The following ANXA6 variants were observed in gnomAD, a reference collection of about 807,000 sequenced individuals.
ANXA6 encodes the protein annexin A6.
Under a neutral mutation model 95.4 loss-of-function variants are expected in ANXA6, and 71 were observed. The ratio of observed to expected loss-of-function variants is 0.74; its 90% CI spans 0.61 to 0.91. ANXA6 has a LOEUF of 0.91. Among genes scored for constraint, ANXA6 ranks in the 40% least tolerant of loss-of-function variants. The pLI is 0.00. For synonymous variants in ANXA6, 289 were observed against 315.9 expected (o/e 0.91, Z 0.90); for missense variants, 830 against 876.4 (o/e 0.95, Z 0.67).
chr5:151,120,219 G>A (rs1057266758), intron 17 of ANXA6, among the ~76,000 whole-genome samples: 1 of 152,066 alleles, frequency 6.6e-6, no homozygotes, highest in Non-Finnish European at 1.5e-5. Context: ...TACATGCCCT[G>A]GACTAAGGCA....
intron 20 of ANXA6, among the ~76,000 whole-genome samples, chr5:151,111,350 C>T (rs763056104): frequency 2.6e-5 from 4 of 152,196 alleles, no homozygotes; most frequent in Non-Finnish European, 4.4e-5. Context: ...GTATTGCTTT[C>T]GCCGTTCCCC....
Position 151,107,075 on chromosome 5 carries a change from C to T in ANXA6, c.1780+1380G>A, listed in dbSNP as rs554114575. ...GAGTCCTGGTTCTACTGCTATAAGC[C>T]TCTCTGAACTCAGTGTCCTCTTTTG... On this transcript the variant is annotated intron_variant, in intron 23 of 25. Transcript: ENST00000354546. Among the ~76,000 whole-genome samples, 62 of 152,222 alleles carry T rather than the reference C, an allele frequency of 4.1e-4. 1 individual carries two copies. The highest frequency in any genetic ancestry group is 8.1e-4 in the Non-Finnish European group (55 of 68,036).
Position 151,141,673 on chromosome 5 carries a change from C to T in ANXA6, c.19-1430G>A, listed in dbSNP as rs796979496. On this transcript the variant is annotated intron_variant, in intron 2 of 25. Transcript: ENST00000354546. ...TGGTCTCTGTCTGCAGAGGCTGGCT[C>T]CTCTGAGGTATGCATGCGTCGGCGT... is the stretch of plus-strand genomic sequence containing the variant. 8 of 985,454 alleles carry T rather than the reference C, an allele frequency of 8.1e-6. No individual in the cohort carries two copies. In the African/African-American group the frequency reaches 1.2e-4, roughly 15 times the overall value. The allele number at this position is 985,454 out of a possible 1,614,324, so 61.0% of individuals were successfully genotyped here.
At chr5:151,123,738 C>T (rs1325933918) in intron 15 of ANXA6, among the ~76,000 whole-genome samples, 1 of 152,204 alleles carries the variant, frequency 6.6e-6, no homozygotes, top group African/African-American at 2.4e-5. Flanking sequence ...AAGCCAAACC[C>T]TAGATGGCCT....
At position 151,101,258 on chromosome 5, in the gene ANXA6, G is replaced by A. The variant is rs149189691; in HGVS notation, c.*190C>T. 6.1e-4 allele frequency: 393 copies of A among 644,958 alleles called. 1 individual carries two copies. Among genetic ancestry groups the A allele is most frequent in the African/African-American group, 5.6e-3 (308 of 55,084 alleles). 40.0% of individuals were successfully genotyped at this position (644,958 alleles called of 1,614,324 possible). On this transcript the variant is annotated 3_prime_UTR_variant, in exon 26 of 26. Coordinates refer to ENST00000354546, the MANE Select transcript of ANXA6 (RefSeq NM_001155.5). ...GCTACGGTTTTTCAGCCGCTCAGCC[G>A]TGCTGGGCCCTCGATGGCCCGTGGG...
intron 24 of ANXA6, among the ~76,000 whole-genome samples, 181 bp from the exon 25 acceptor site, chr5:151,103,873 G>C (rs1215119281): frequency 3.3e-5 from 5 of 152,232 alleles, no homozygotes; most frequent in Non-Finnish European, 5.9e-5. Flanking sequence ...GGACTGGCCA[G>C]ACTGACACGC....
chr5:151,134,145 C>T (rs1372100234), intron 8 of ANXA6, among the ~76,000 whole-genome samples: 1 of 152,214 alleles, frequency 6.6e-6, no homozygotes, highest in Non-Finnish European at 1.5e-5. Flanking sequence ...GTGCCTAGCA[C>T]ATGCTAGGTA....
intron 1 of ANXA6, chr5:151,155,203 C>G (rs185718996): frequency 2.0e-4 from 30 of 152,248 alleles, no homozygotes; most frequent in African/African-American, 6.7e-4. Flanking sequence ...CAGCCGGGGC[C>G]TGGCAAATTT....
chr5:151,117,713 G>T (rs368917701), intron 19 of ANXA6, 45 bp downstream of exon 19: 2 of 1,531,372 alleles, frequency 1.3e-6, no homozygotes, highest in African/African-American at 1.4e-5. Flanking sequence ...TTCCTCCCAG[G>T]CCTCCCGATG....
chr5:151,112,615 T>C (rs546200154), intron 20 of ANXA6, among the ~76,000 whole-genome samples: 36 of 152,300 alleles, frequency 2.4e-4, no homozygotes, highest in Non-Finnish European at 5.1e-4. Context: ...GAGGATCACT[T>C]GAGCCTATGA....
At chr5:151,109,974 G>A in intron 21 of ANXA6, 128 bp from the exon 22 acceptor site, 1 of 684,420 alleles carries the variant, frequency 1.5e-6, no homozygotes, top group East Asian at 2.8e-5. Flanking sequence ...CCATCCAAGG[G>A]GGCCGAGACT....
Position 151,122,211 on chromosome 5 carries a change from A to G in ANXA6, c.1283T>C (p.Leu428Pro), listed in dbSNP as rs1461110037. ...CGGTGGCATCATGAGCCCCAGAATC[A>G]GCCTTGCCAGGTCTCCAGAGATCTC... ...KSEISGDLAR[L>P]ILGLMMPPAH... Residue 428 changes from leucine (L) to proline (P), a missense_variant, in exon 17 of 26, where the codon CTG becomes CCG. Coordinates refer to ENST00000354546, the MANE Select transcript of ANXA6 (RefSeq NM_001155.5). The G allele has an allele frequency of 3.1e-6, 5 of 1,604,582 alleles. No homozygotes were observed. The African/African-American group carries it at 6.7e-5, about 22-fold the overall frequency.
intron 19 of ANXA6, 121 bp from the exon 20 acceptor site, chr5:151,117,301 G>T: frequency 1.0e-6 from 1 of 981,238 alleles, no homozygotes. Context: ...GCTACACAGG[G>T]ACGAAAATCC....
At chr5:151,117,313 G>A (rs183084671) in intron 19 of ANXA6, 133 bp from the exon 20 acceptor site, 17 of 820,020 alleles carry the variant, frequency 2.1e-5, no homozygotes, top group Non-Finnish European at 3.1e-5. Context: ...CGAAAATCCT[G>A]CCTCTATAAG....
At chr5:151,154,295 GTATATATATATATATATATA>G (rs58268342) in intron 1 of ANXA6, among the ~76,000 whole-genome samples, 176 of 138,734 alleles carry the variant, frequency 1.3e-3, no homozygotes, top group Admixed American at 1.7e-3. Context: ...GCAGTTTGCA[GTATATATATATATATATATA>G]TATATATATA....
At chr5:151,120,618 C>T (rs557689182) in intron 17 of ANXA6, among the ~76,000 whole-genome samples, 25 of 152,128 alleles carry the variant, frequency 1.6e-4, no homozygotes, top group Admixed American at 5.9e-4. Context: ...ACTCAGGAGG[C>T]TGAGGCAGGA....
chr5:151,138,172 A>AGG (rs1419824752), intron 5 of ANXA6, among the ~76,000 whole-genome samples: 3 of 152,092 alleles, frequency 2.0e-5, no homozygotes, highest in Non-Finnish European at 2.9e-5. Context: ...TCTTTTTCCT[A>AGG]GGGGGCAATT....
intron 2 of ANXA6, among the ~76,000 whole-genome samples, chr5:151,146,954 C>T (rs1765989969): frequency 1.3e-5 from 2 of 152,108 alleles, no homozygotes; most frequent in Admixed American, 6.5e-5. Flanking sequence ...TGTATTTTTT[C>T]TAGAGACAGG....
At chr5:151,123,128 G>T in intron 15 of ANXA6, 117 bp from the exon 16 acceptor site, 4 of 880,452 alleles carry the variant, frequency 4.5e-6, no homozygotes, top group Non-Finnish European at 7.3e-6. Context: ...TGGCTAAGCG[G>T]CCATGTGCTC....
Sources: allele counts gnomAD v4.1 joint callset (sites outside exome capture counted in the v4.1 genomes callset), GRCh38; gene constraint gnomAD v4.1.1; transcripts MANE v1.5; gene names NCBI Gene and HGNC (gene_info 2026-07-23, HGNC 2026-07-21).